Variants in ARHGEF33 observed in about 807,000 individuals in gnomAD.
ARHGEF33 encodes the protein DH and coiled-coil domain-containing protein ENSP00000381780.
Under a neutral mutation model 101.9 loss-of-function variants are expected in ARHGEF33, and 72 were observed. The ratio of observed to expected loss-of-function variants is 0.71; its 90% CI spans 0.58 to 0.86. ARHGEF33 has a LOEUF of 0.86. Ranked by LOEUF, ARHGEF33 falls within the 40% of genes least tolerant of loss-of-function variation. The pLI, the probability that ARHGEF33 is intolerant of heterozygous loss-of-function variation, is 0.00. For missense variants in ARHGEF33, 1,169 were observed against 1,111.3 expected, an observed-to-expected ratio of 1.05 and a Z score of -0.74; for synonymous variants, 499 against 442.5, an observed-to-expected ratio of 1.13 and a Z score of -1.60.
At chr2:38,972,019 A>G in intron 17 of ARHGEF33, 1 of 704,024 alleles carries the variant, frequency 1.4e-6, no homozygotes, top group Non-Finnish European at 2.7e-6. Context: ...AGATGTAGCT[A>G]AGAGGGGAAA....
chr2:38,899,849 GAAATT>G (rs1455588065), intron 2 of ARHGEF33, among the ~76,000 whole-genome samples: 1 of 151,970 alleles, frequency 6.6e-6, no homozygotes, highest in Non-Finnish European at 1.5e-5. Context: ...ATTAAAAAAA[GAAATT>G]AAAAAAAGAA....
chr2:38,963,746 C>T (rs1667994834), intron 16 of ARHGEF33, among the ~76,000 whole-genome samples: 1 of 152,100 alleles, frequency 6.6e-6, no homozygotes, highest in African/African-American at 2.4e-5. Flanking sequence ...GCAGAATTTG[C>T]ACCCCAGACC....
intron 7 of ARHGEF33, among the ~76,000 whole-genome samples, chr2:38,932,281 T>C (rs980663384): frequency 8.5e-5 from 13 of 152,074 alleles, no homozygotes; most frequent in African/African-American, 2.7e-4. Flanking sequence ...GGCGTCACCA[T>C]GCACGGCTAA....
At chr2:38,972,592 G>C (rs1354185088) in intron 17 of ARHGEF33, among the ~76,000 whole-genome samples, 2 of 152,178 alleles carry the variant, frequency 1.3e-5, no homozygotes, top group East Asian at 1.9e-4. Context: ...CAGACATTAG[G>C]GTTTTTAGTC....
At chr2:38,968,964 G>T (rs947175320) in intron 17 of ARHGEF33, among the ~76,000 whole-genome samples, 2 of 152,154 alleles carry the variant, frequency 1.3e-5, no homozygotes, top group Non-Finnish European at 2.9e-5. Context: ...GGTCAGGGAG[G>T]CCCCAGTGTA....
At position 38,938,028 on chromosome 2, in the gene ARHGEF33, G is replaced by T. The variant is rs79687777; in HGVS notation, c.790+469G>T. Among the ~76,000 whole-genome samples, 49 of 152,196 alleles carry T rather than the reference G, an allele frequency of 3.2e-4. No homozygotes were observed. The East Asian group carries it at 9.3e-3, about 29-fold the overall frequency. ...TGGCATTTCCCCCTGGCTATTTGGG[G>T]GGAGGTAATTTTTAAAAATTATTTT... On this transcript the variant is annotated intron_variant, in intron 9 of 17. Transcript: ENST00000409978.
At chr2:38,915,954 A>G (rs1184559468) in intron 2 of ARHGEF33, among the ~76,000 whole-genome samples, 1 of 152,150 alleles carries the variant, frequency 6.6e-6, no homozygotes, top group East Asian at 1.9e-4. Context: ...TAAGCCTAAG[A>G]GTTCGAGGTT....
chr2:38,935,814 T>A lies in ARHGEF33; in HGVS notation c.545T>A (p.Val182Glu). The change falls in exon 8 of 18, where the codon GTA (valine) becomes GAA (glutamate). Residue 182 changes from valine to glutamate, a missense_variant. Coordinates refer to ENST00000409978, the MANE Select transcript of ARHGEF33 (RefSeq NM_001145451.5). ...SRSVHVGDSN[V>E]KGMMGPGVNP... is the part of the protein sequence containing the mutation. ...TCTGTTCATGTAGGAGACAGTAATG[T>A]AAAAGGAATGATGGGTCCTGGTAAG... The A allele has an allele frequency of 1.9e-6, 3 of 1,552,044 alleles. No individual in the cohort carries two copies. Among genetic ancestry groups the A allele is most frequent in the Non-Finnish European group, 1.7e-6 (2 of 1,146,898 alleles).
At chr2:38,904,861 G>C (rs1666353390) in intron 2 of ARHGEF33, among the ~76,000 whole-genome samples, 1 of 152,160 alleles carries the variant, frequency 6.6e-6, no homozygotes, top group Non-Finnish European at 1.5e-5. Flanking sequence ...TCCTAGAGAC[G>C]TTTAGGCATG....
intron 4 of ARHGEF33, among the ~76,000 whole-genome samples, chr2:38,922,342 G>T (rs6722478): frequency 0.079 from 12,027 of 151,992 alleles, 1,429 homozygotes; most frequent in African/African-American, 0.26. Flanking sequence ...GAAAAAGAGT[G>T]CTCTCACAAG....
chr2:38,901,864 C>T (rs1233976108), intron 2 of ARHGEF33, among the ~76,000 whole-genome samples: 1 of 152,112 alleles, frequency 6.6e-6, no homozygotes, highest in African/African-American at 2.4e-5. Context: ...GCCTGTAATC[C>T]CAGCACTTTG....
intron 7 of ARHGEF33, among the ~76,000 whole-genome samples, chr2:38,934,020 C>G (rs534558209): frequency 7.2e-5 from 11 of 152,308 alleles, no homozygotes; most frequent in Admixed American, 1.3e-4. Flanking sequence ...AGATGTTTAG[C>G]CTCCCTACTC....
chr2:38,913,627 T>A (rs1666564407), intron 2 of ARHGEF33, among the ~76,000 whole-genome samples: 1 of 151,484 alleles, frequency 6.6e-6, no homozygotes, highest in African/African-American at 2.4e-5. Flanking sequence ...ATACAAAAAA[T>A]TAGCTGGGCG....
In ARHGEF33 at chr2:38,969,979, C is replaced by T. The variant is rs115754249; in HGVS notation, c.2484-3735C>T. ...TACATCTTGCAACACTTAATGTTAA[C>T]GCGTATTCTTGATGGCAGATGTGGC... On this transcript the variant is annotated intron_variant, in intron 17 of 17. Coordinates refer to ENST00000409978, the MANE Select transcript of ARHGEF33 (RefSeq NM_001145451.5). Among the ~76,000 whole-genome samples, 1,265 of 152,234 alleles carry T rather than the reference C, an allele frequency of 8.3e-3. 10 individuals are homozygous for T. The highest frequency in any genetic ancestry group is 0.012 in the Non-Finnish European group (829 of 68,032).
At chr2:38,925,022 A>T (rs914265177) in intron 4 of ARHGEF33, among the ~76,000 whole-genome samples, 1 of 152,224 alleles carries the variant, frequency 6.6e-6, no homozygotes, top group East Asian at 1.9e-4. Flanking sequence ...AAAAGTAGAC[A>T]TTTAGAAAAA....
chr2:38,960,525 CGAGCGCGCCGCGCAGGCGCACGGCCCG>C lies in ARHGEF33; in HGVS notation c.2222_2248del (p.Glu741_Pro749del). ...GCGGCGGCCGCGCGCCCATCAAGGC[CGAGCGCGCCGCGCAGGCGCACGGCCCG>C]GCCGCCGCCGCCGTCGCCGCCCGCG... is the stretch of plus-strand genomic sequence containing the variant. On this transcript the variant is annotated inframe_deletion, in exon 16 of 18. Transcript: ENST00000409978. The C allele has an allele frequency of 7.9e-7, 1 of 1,265,988 alleles. No homozygotes were observed. The highest frequency in any genetic ancestry group is 9.9e-7 in the Non-Finnish European group (1 of 1,005,290). 78.4% of individuals were successfully genotyped at this position (1,265,988 alleles called of 1,614,324 possible). A position where few individuals can be genotyped will look rare whatever the true frequency, so the allele number is the denominator to read the frequency against.
intron 1 of ARHGEF33, among the ~76,000 whole-genome samples, chr2:38,891,780 C>A (rs1312052994): frequency 1.4e-5 from 2 of 143,278 alleles, no homozygotes; most frequent in Non-Finnish European, 3.1e-5. Context: ...CAACATGCAT[C>A]ACATTACTGC....
intron 8 of ARHGEF33, 69 bp from the exon 9 acceptor site, chr2:38,937,266 A>C: frequency 2.5e-6 from 2 of 792,828 alleles, no homozygotes; most frequent in East Asian, 2.7e-5. Flanking sequence ...AGTGGTAACA[A>C]ACATATTTTT....
chr2:38,936,359 G>T (rs1667129159), intron 8 of ARHGEF33, among the ~76,000 whole-genome samples: 1 of 152,078 alleles, frequency 6.6e-6, no homozygotes, highest in Non-Finnish European at 1.5e-5. Context: ...AGGGTCAAGG[G>T]AAAAATGGCC....
Sources: gnomAD v4.1 joint callset for allele counts (sites outside exome capture counted in the v4.1 genomes callset) on GRCh38, gnomAD v4.1.1 for gene constraint, MANE v1.5 for transcripts, NCBI Gene and HGNC (gene_info 2026-07-23, HGNC 2026-07-21) for gene names.